DYRK1A: variants seen among roughly 807,000 people sequenced by gnomAD.
DYRK1A encodes dual specificity tyrosine phosphorylation regulated kinase 1A, also known as dual specificity tyrosine-phosphorylation-regulated kinase 1A.
In DYRK1A, 9 loss-of-function variants were observed where a neutral mutation model predicts 79.7. The observed-to-expected ratio is 0.11, with a 90% CI of 0.07 to 0.20. The LOEUF is 0.20. Ranked by LOEUF, DYRK1A falls within the 10% of genes least tolerant of loss-of-function variation. The probability of loss-of-function intolerance (pLI) is 1.00; values close to 1 mark genes in which losing one functional copy is unlikely to be tolerated. For synonymous variants in DYRK1A, 349 were observed against 329.7 expected (o/e 1.06, Z -0.63); for missense variants, 622 against 956.0 (o/e 0.65, Z 4.61).
At position 37,493,074 on chromosome 21, in the gene DYRK1A, C is replaced by T. The variant is rs1260158906; in HGVS notation, c.982C>T (p.Pro328Ser). 6.2e-7 allele frequency: 1 copy of T among 1,606,538 alleles called. No individual in the cohort carries two copies. Among genetic ancestry groups the T allele is most frequent in the Non-Finnish European group, 8.5e-7 (1 of 1,175,412 alleles). Residue 328 changes from proline to serine, a missense_variant, in exon 8 of 12, where the codon CCT (proline) becomes TCT (serine). By Grantham distance (74) the Pro-to-Ser change is moderately conservative (BLOSUM62 -1). This residue lies in a region of DYRK1A where 138 missense variants were observed against 346.4 expected (regional missense o/e 0.40). Transcript: ENST00000647188. ...GTCTCCAGAGGTGCTACTGGGAATG[C>T]CTTATGACCTTGCCATTGATATGTG... ...YRSPEVLLGMPYDLAIDMWSL... is the reference protein window; with the variant it reads ...YRSPEVLLGMSYDLAIDMWSL...
intron 11 of DYRK1A, among the ~76,000 whole-genome samples, chr21:37,510,215 A>T (rs1316040524): frequency 6.6e-6 from 1 of 152,228 alleles, no homozygotes; most frequent in African/African-American, 2.4e-5. Flanking sequence ...GTGATTTATA[A>T]TTTTGATAAC....
intron 1 of DYRK1A, among the ~76,000 whole-genome samples, chr21:37,390,599 C>T (rs1009419602): frequency 7.2e-5 from 11 of 152,112 alleles, no homozygotes; most frequent in South Asian, 2.1e-4. Context: ...GAGACAGTCT[C>T]GCTCTGTCAC....
rs1341950971 is a variant in DYRK1A at position 37,495,150 on chromosome 21, TTTTGTG to T, written c.1072-966_1072-961del. ...TCCATACTTTATTAAGCCTCTGGGA[TTTTGTG>T]TGTGTGTGTGTGTGTGTGTGTGTGT... On this transcript the variant is annotated intron_variant, in intron 8 of 11. Transcript: ENST00000647188. 6.7e-5 allele frequency among the ~76,000 whole-genome samples: 8 copies of T among 120,198 alleles called. No homozygotes were observed. In the South Asian group the frequency reaches 1.5e-3, roughly 22 times the overall value. The allele number at this position is 120,198 out of a possible 152,430, so 78.9% of individuals were successfully genotyped here. A position where few individuals can be genotyped will look rare whatever the true frequency, so the allele number is the denominator to read the frequency against.
At chr21:37,445,810 G>A (rs1018704354) in intron 2 of DYRK1A, among the ~76,000 whole-genome samples, 5 of 152,060 alleles carry the variant, frequency 3.3e-5, no homozygotes, top group Admixed American at 2.0e-4. Context: ...AAAAAGTTGG[G>A]AATTTTAGCA....
intron 1 of DYRK1A, among the ~76,000 whole-genome samples, chr21:37,403,676 T>TGG (rs2148404492): frequency 7.2e-6 from 1 of 139,340 alleles, no homozygotes; most frequent in Non-Finnish European, 1.5e-5. Flanking sequence ...TGTGTGTGTG[T>TGG]GTGTGTGTGT....
At chr21:37,429,093 A>G (rs534515830) in intron 2 of DYRK1A, among the ~76,000 whole-genome samples, 1 of 152,336 alleles carries the variant, frequency 6.6e-6, no homozygotes, top group Non-Finnish European at 1.5e-5. Context: ...AGAAACACAA[A>G]TAAGTTAATT....
At position 37,521,586 on chromosome 21, in the gene DYRK1A, AAG is replaced by A. The variant is rs2053935696; in HGVS notation, c.*9058_*9059del. 6.6e-6 allele frequency: 1 copy of A among 152,242 alleles called. No homozygotes were observed. Among genetic ancestry groups the A allele is most frequent in the African/African-American group, 2.4e-5 (1 of 41,464 alleles). The allele number at this position is 152,242 out of a possible 1,614,324, so 9.4% of individuals were successfully genotyped here. A position where few individuals can be genotyped will look rare whatever the true frequency, so the allele number is the denominator to read the frequency against. ...TTACAAGTAAGCCCAGTGTTTTTAA[AAG>A]AGTGTGAACAGAGACCTTATTCTAA... On this transcript the variant is annotated 3_prime_UTR_variant, in exon 12 of 12. Transcript: ENST00000647188.
At chr21:37,501,663 C>T (rs2053455836) in intron 9 of DYRK1A, 1 of 152,154 alleles carries the variant, frequency 6.6e-6, no homozygotes. Context: ...GTTTTATGGC[C>T]TAGCATCTAA....
intron 1 of DYRK1A, among the ~76,000 whole-genome samples, chr21:37,417,869 G>A (rs774952570): frequency 2.0e-4 from 30 of 152,102 alleles, no homozygotes; most frequent in Non-Finnish European, 3.2e-4. Flanking sequence ...AGATTTGAGG[G>A]TCATGAGAGG....
intron 1 of DYRK1A, among the ~76,000 whole-genome samples, chr21:37,374,146 A>C (rs935098642): frequency 6.6e-6 from 1 of 152,034 alleles, no homozygotes; most frequent in Non-Finnish European, 1.5e-5. Context: ...TGCTTGTATC[A>C]CGTAAGCAAT....
intron 2 of DYRK1A, among the ~76,000 whole-genome samples, chr21:37,455,689 G>A (rs1304157508): frequency 6.6e-6 from 1 of 152,114 alleles, no homozygotes; most frequent in Admixed American, 6.5e-5. Flanking sequence ...TTGGGCTGGT[G>A]CAGTAAGCAA....
Position 37,492,969 on chromosome 21 carries a change from C to T in DYRK1A, c.925-48C>T, listed in dbSNP as rs118022631. 488 of 1,453,134 alleles carry T rather than the reference C, an allele frequency of 3.4e-4. 2 individuals are homozygous for T. In the East Asian group the frequency reaches 9.5e-3, roughly 28 times the overall value. The allele number at this position is 1,453,134 out of a possible 1,614,324, so 90.0% of individuals were successfully genotyped here. A position where few individuals can be genotyped will look rare whatever the true frequency, so the allele number is the denominator to read the frequency against. On this transcript the variant is annotated intron_variant, in intron 7 of 11. Transcript: ENST00000647188. ...ATCAATGTTTTTAATCCAATGCTGA[C>T]TGCAGTTTTAAGCAATTGAAGTAAT...
At chr21:37,451,989 T>C (rs1407779377) in intron 2 of DYRK1A, among the ~76,000 whole-genome samples, 1 of 151,862 alleles carries the variant, frequency 6.6e-6, no homozygotes, top group Non-Finnish European at 1.5e-5. Flanking sequence ...AAGAGCACCA[T>C]TGAAGAATGG....
intron 1 of DYRK1A, among the ~76,000 whole-genome samples, chr21:37,418,663 T>C (rs1390217949): frequency 6.6e-6 from 1 of 152,214 alleles, no homozygotes; most frequent in East Asian, 1.9e-4. Flanking sequence ...GGAAAAATTA[T>C]TAGAAAATGA....
chr21:37,473,338 G>A (rs530362662), intron 3 of DYRK1A, among the ~76,000 whole-genome samples: 184 of 152,196 alleles, frequency 1.2e-3, no homozygotes, highest in African/African-American at 4.2e-3. Context: ...AATTAACCGT[G>A]CTATTTATTC....
intron 8 of DYRK1A, 118 bp from the exon 9 acceptor site, chr21:37,496,000 C>CT: frequency 1.1e-6 from 1 of 934,330 alleles, no homozygotes; most frequent in South Asian, 1.7e-5. Flanking sequence ...TGCTGGATGT[C>CT]TAGAGGAGTG....
At chr21:37,390,630 A>G (rs985842773) in intron 1 of DYRK1A, among the ~76,000 whole-genome samples, 2 of 152,098 alleles carry the variant, frequency 1.3e-5, no homozygotes, top group Non-Finnish European at 2.9e-5. Flanking sequence ...GTGCAGCGGC[A>G]TGATCTTGGC....
In DYRK1A at chr21:37,472,759, A is replaced by G; in HGVS notation, c.86A>G (p.Gln29Arg). 6.2e-7 allele frequency: 1 copy of G among 1,612,954 alleles called. No homozygotes were observed. The highest frequency in any genetic ancestry group is 8.5e-7 in the Non-Finnish European group (1 of 1,179,134). ...PSFSFHAAGL[Q>R]MAGQMPHSHQ... ...TTTTCATTCCATGCTGCTGGCCTTCAGATGGCTGGACAGATGCCCCATTCA... is the reference window on the plus strand; with the variant it reads ...TTTTCATTCCATGCTGCTGGCCTTCGGATGGCTGGACAGATGCCCCATTCA... The change falls in exon 3 of 12, where the codon CAG becomes CGG. Residue 29 changes from glutamine (Q) to arginine (R), a missense_variant. Physicochemically the swap from Gln to Arg is conservative, Grantham distance 43. Around this residue, in one of 5 missense-constraint regions of DYRK1A, gnomAD observed 91 missense variants for 113.8 expected, o/e 0.80. Coordinates refer to ENST00000647188, the MANE Select transcript of DYRK1A (RefSeq NM_001347721.2).
At chr21:37,480,985 A>G (rs2052619438) in intron 5 of DYRK1A, 159 bp downstream of exon 5, 1 of 587,464 alleles carries the variant, frequency 1.7e-6, no homozygotes, top group African/African-American at 1.9e-5. Flanking sequence ...CTTTAAAGGT[A>G]GTGATACTGC....
Sources: gnomAD v4.1 joint callset for allele counts (sites outside exome capture counted in the v4.1 genomes callset) on GRCh38, gnomAD v4.1.1 for gene constraint, gnomAD v4.1.1 regional missense constraint, MANE v1.5 for transcripts, NCBI Gene and HGNC (gene_info 2026-07-23, HGNC 2026-07-21) for gene names.